The following ST7L variants were observed in gnomAD, a reference collection of about 807,000 sequenced individuals.
ST7L encodes the protein suppression of tumorigenicity 7 like.
Under a neutral mutation model 72.5 loss-of-function variants are expected in ST7L, and 57 were observed. The observed-to-expected ratio is 0.79, with a 90% CI of 0.64 to 0.98. ST7L has a LOEUF of 0.98. Among genes scored for constraint, ST7L ranks in the 50% least tolerant of loss-of-function variants. The probability of loss-of-function intolerance (pLI) is 0.00; values close to 1 mark genes in which losing one functional copy is unlikely to be tolerated. For missense variants in ST7L, 576 were observed against 672.2 expected (o/e 0.86, Z 1.58); for synonymous variants, 221 against 240.9 (o/e 0.92, Z 0.77).
intron 11 of ST7L, among the ~76,000 whole-genome samples, chr1:112,560,710 C>T (rs1220867737): frequency 6.6e-6 from 1 of 152,000 alleles, no homozygotes; most frequent in Non-Finnish European, 1.5e-5. Flanking sequence ...ACCTGTAATC[C>T]CAGCACTTTG....
chr1:112,554,435 G>A (rs1440974895), intron 12 of ST7L, among the ~76,000 whole-genome samples: 3 of 152,026 alleles, frequency 2.0e-5, no homozygotes, highest in Non-Finnish European at 4.4e-5. Context: ...CCATTAGGAT[G>A]GCTATTATTT....
intron 1 of ST7L, chr1:112,617,383 T>C (rs574590032): frequency 1.3e-5 from 2 of 154,354 alleles, no homozygotes; most frequent in African/African-American, 2.4e-5. Flanking sequence ...TCACTTCAAA[T>C]AATTATCTCA....
intron 11 of ST7L, among the ~76,000 whole-genome samples, chr1:112,574,529 G>A (rs1430409504): frequency 6.6e-6 from 1 of 151,382 alleles, no homozygotes; most frequent in Non-Finnish European, 1.5e-5. Flanking sequence ...CGTGGTGGCG[G>A]GCGCCTGCAG....
chr1:112,575,773 C>T (rs981352452), intron 11 of ST7L, among the ~76,000 whole-genome samples: 1 of 152,202 alleles, frequency 6.6e-6, no homozygotes, highest in Non-Finnish European at 1.5e-5. Flanking sequence ...GAATGCAAAA[C>T]CATAGATATG....
chr1:112,556,519 A>G lies in ST7L; in HGVS notation c.1246-501T>C, dbSNP rs1157382712. Among the ~76,000 whole-genome samples the G allele has an allele frequency of 2.0e-5, 3 of 152,150 alleles. No individual in the cohort carries two copies. The East Asian group carries it at 5.8e-4, about 29-fold the overall frequency. ...AGGTGAAAGAACTTAATTGTGGAAA[A>G]GTTCAATTAAATTCCTATTTACTAA... On this transcript the variant is annotated intron_variant, in intron 11 of 14. Transcript: ENST00000358039.
At chr1:112,591,421 G>T in intron 6 of ST7L, 104 bp downstream of exon 6, 2 of 888,352 alleles carry the variant, frequency 2.3e-6, no homozygotes, top group East Asian at 2.8e-5. Flanking sequence ...AAAAGGAAAT[G>T]ACTAATGACT....
Position 112,616,826 on chromosome 1 carries a change from G to C in ST7L, c.275C>G (p.Ser92Ter). The change falls in exon 2 of 15, where the codon TCA (serine) becomes TGA (stop). Residue 92 changes from serine to a stop codon, truncating the protein, a stop_gained. Coordinates refer to ENST00000358039, the MANE Select transcript of ST7L (RefSeq NM_017744.5). LOFTEE classifies it high-confidence loss of function. ...GAAACTACTTACAAATATTAGTCCT[G>C]ATATCAATGAAGAGGTCCCTGTAAG... ...VALTGTSSLI[S>*]GLIFIFEWWY... 6.2e-7 allele frequency: 1 copy of C among 1,600,154 alleles called. No individual in the cohort carries two copies. Among genetic ancestry groups the C allele is most frequent in the African/African-American group, 1.3e-5 (1 of 74,260 alleles).
chr1:112,613,417 T>G (rs1669372140), intron 2 of ST7L, among the ~76,000 whole-genome samples: 1 of 152,226 alleles, frequency 6.6e-6, no homozygotes, highest in Non-Finnish European at 1.5e-5. Flanking sequence ...ACAGTTCACA[T>G]CACTGGTAAC....
At chr1:112,589,138 T>C (rs1310369981) in intron 6 of ST7L, among the ~76,000 whole-genome samples, 1 of 152,218 alleles carries the variant, frequency 6.6e-6, no homozygotes, top group African/African-American at 2.4e-5. Context: ...AATGGTGAGA[T>C]ATCATTATCA....
intron 3 of ST7L, among the ~76,000 whole-genome samples, chr1:112,602,133 T>C (rs1461842613): frequency 6.8e-6 from 1 of 147,238 alleles, no homozygotes; most frequent in Non-Finnish European, 1.5e-5. Context: ...CTGTAAGAAA[T>C]TGATGAAGGA....
intron 4 of ST7L, among the ~76,000 whole-genome samples, chr1:112,599,098 AT>A (rs1666986472): frequency 1.2e-5 from 1 of 83,184 alleles, no homozygotes; most frequent in African/African-American, 5.0e-5. Context: ...ATATATATAT[AT>A]ATATATATAT....
At chr1:112,546,404 T>C (rs1194116446) in intron 13 of ST7L, among the ~76,000 whole-genome samples, 1 of 151,156 alleles carries the variant, frequency 6.6e-6, no homozygotes, top group African/African-American at 2.4e-5. Flanking sequence ...TCATGACATG[T>C]AAATAGAGGG....
chr1:112,580,286 C>G lies in ST7L; in HGVS notation c.1069+1706G>C, dbSNP rs992211188. On this transcript the variant is annotated intron_variant, in intron 9 of 14. Coordinates refer to ENST00000358039, the MANE Select transcript of ST7L (RefSeq NM_017744.5). Reference sequence around the variant, plus strand: ...ACCTCAGCTTCCCGAGCAGCTGGGACTACAGGCGCATGCCACCACACCCAG... The same window carrying G: ...ACCTCAGCTTCCCGAGCAGCTGGGAGTACAGGCGCATGCCACCACACCCAG... 2.0e-5 allele frequency among the ~76,000 whole-genome samples: 3 copies of G among 152,178 alleles called. No homozygotes were observed. In the East Asian group the frequency reaches 5.8e-4, roughly 29 times the overall value.
downstream of ST7L, chr1:112,521,667 G>T (rs568363006): frequency 3.5e-4 from 53 of 152,248 alleles, no homozygotes; most frequent in African/African-American, 1.1e-3. Flanking sequence ...GACTCTCCAA[G>T]TCCTAGTGAT....
At position 112,616,818 on chromosome 1, in the gene ST7L, T is replaced by C. The variant is rs1028754275; in HGVS notation, c.283A>G (p.Ile95Val). The C allele has an allele frequency of 3.8e-6, 6 of 1,590,748 alleles. No homozygotes were observed. The highest frequency in any genetic ancestry group is 5.1e-6 in the Non-Finnish European group (6 of 1,169,028). Residue 95 changes from isoleucine to valine, a missense_variant, in exon 2 of 15, where the codon ATA becomes GTA. This residue lies in a region of ST7L where 511 missense variants were observed against 600.7 expected (regional missense o/e 0.85). Coordinates refer to ENST00000358039, the MANE Select transcript of ST7L (RefSeq NM_017744.5). ...AGGAAATGGAAACTACTTACAAATA[T>C]TAGTCCTGATATCAATGAAGAGGTC... ...TGTSSLISGL[I>V]FIFEWWYFHK...
chr1:112,585,948 G>A (rs192313892), intron 6 of ST7L, among the ~76,000 whole-genome samples: 26 of 152,242 alleles, frequency 1.7e-4, no homozygotes, highest in Admixed American at 3.3e-4. Context: ...AAAAGTGATG[G>A]CAGGTAGCTA....
At chr1:112,617,010 T>G (rs1205659218) in intron 1 of ST7L, 115 bp from the exon 2 acceptor site, 1 of 640,382 alleles carries the variant, frequency 1.6e-6, no homozygotes, top group South Asian at 1.9e-5. Context: ...ATATCTAGTG[T>G]GAAATTCACT....
At chr1:112,542,510 C>A (rs141395398) in intron 13 of ST7L, among the ~76,000 whole-genome samples, 2 of 152,222 alleles carry the variant, frequency 1.3e-5, no homozygotes, top group East Asian at 1.9e-4. Flanking sequence ...GTAATCCCAG[C>A]GCTTTGGGGG....
chr1:112,568,873 T>A (rs1017586116), intron 11 of ST7L, among the ~76,000 whole-genome samples: 1 of 142,264 alleles, frequency 7.0e-6, no homozygotes, highest in Non-Finnish European at 1.5e-5. Flanking sequence ...TATATATATA[T>A]ATATATATAT....
Sources: allele counts gnomAD v4.1 joint callset (sites outside exome capture counted in the v4.1 genomes callset), GRCh38; gene constraint gnomAD v4.1.1; regional missense constraint gnomAD v4.1.1; transcripts MANE v1.5; gene names NCBI Gene and HGNC (gene_info 2026-07-23, HGNC 2026-07-21).